The following DPP6 variants were observed in gnomAD, a reference collection of about 807,000 sequenced individuals.
The protein encoded by DPP6 is dipeptidyl peptidase like 6.
In DPP6, 69 loss-of-function variants were observed where a neutral mutation model predicts 122.6. The observed-to-expected ratio is 0.56, with a 90% CI of 0.46 to 0.69. The LOEUF is 0.69. DPP6 is among the 30% of genes least tolerant of loss of function. The pLI is 0.00. For synonymous variants in DPP6, 418 were observed against 433.1 expected, an observed-to-expected ratio of 0.97 and a Z score of 0.43; for missense variants, 928 against 1,116.9, an observed-to-expected ratio of 0.83 and a Z score of 2.41.
At chr7:154,379,589 C>A (rs1813419123) in intron 1 of DPP6, among the ~76,000 whole-genome samples, 2 of 152,104 alleles carry the variant, frequency 1.3e-5, no homozygotes. Flanking sequence ...CAGAAGAATG[C>A]TCCCTAATAA....
intron 1 of DPP6, among the ~76,000 whole-genome samples, chr7:154,308,923 T>C (rs1207380259): frequency 6.6e-6 from 1 of 152,224 alleles, no homozygotes; most frequent in Non-Finnish European, 1.5e-5. Flanking sequence ...CCTAGCATAT[T>C]GTGTGCATGT....
intron 1 of DPP6, among the ~76,000 whole-genome samples, chr7:153,932,007 A>G (rs576988918): frequency 6.6e-6 from 1 of 152,242 alleles, no homozygotes; most frequent in African/African-American, 2.4e-5. Flanking sequence ...TCAGAGCTGC[A>G]CAAGAACTCT....
intron 1 of DPP6, among the ~76,000 whole-genome samples, chr7:154,311,598 C>T (rs936472867): frequency 2.0e-5 from 3 of 152,098 alleles, no homozygotes; most frequent in African/African-American, 7.2e-5. Flanking sequence ...TCCTAAAGTC[C>T]TTCCTGACTT....
intron 1 of DPP6, among the ~76,000 whole-genome samples, chr7:154,171,837 C>T (rs941057406): frequency 1.1e-4 from 17 of 151,980 alleles, no homozygotes; most frequent in South Asian, 8.3e-4. Context: ...AACCACCATT[C>T]CATATGTATA....
At chr7:153,832,278 G>A in the DPP6 span, among the ~76,000 whole-genome samples, 9 of 152,170 alleles carry the variant, frequency 5.9e-5, no homozygotes, top group Non-Finnish European at 1.2e-4. Context: ...TTAAACGAAA[G>A]CAAGGACAAA....
intron 3 of DPP6, among the ~76,000 whole-genome samples, chr7:154,476,301 AAAAAC>A (rs1311060000): frequency 1.3e-5 from 2 of 152,236 alleles, no homozygotes; most frequent in Admixed American, 1.3e-4. Flanking sequence ...ACAGAAATTA[AAAAAC>A]AAAACAAAAC....
rs28690483 is a variant in DPP6, at chr7:154,387,455, G to C, written c.244-58759G>C. Among the ~76,000 whole-genome samples the C allele has an allele frequency of 5.3e-3, 813 of 152,328 alleles. 8 individuals are homozygous for C. Among genetic ancestry groups the C allele is most frequent in the African/African-American group, 0.018 (769 of 41,578 alleles). On this transcript the variant is annotated intron_variant, in intron 1 of 25. Coordinates refer to ENST00000377770, the MANE Select transcript of DPP6 (RefSeq NM_130797.4). Reference sequence around the variant, plus strand: ...GAGAATTCAGGAAGGCTTCCTGGAAGAGGAGACATCCAAGCCAAGGCTGAA... The same window carrying C: ...GAGAATTCAGGAAGGCTTCCTGGAACAGGAGACATCCAAGCCAAGGCTGAA...
intron 1 of DPP6, among the ~76,000 whole-genome samples, chr7:154,445,245 C>T (rs973779883): frequency 6.6e-6 from 1 of 152,180 alleles, no homozygotes; most frequent in Non-Finnish European, 1.5e-5. Flanking sequence ...ATTCTCCAGA[C>T]TATACATGGA....
intron 1 of DPP6, among the ~76,000 whole-genome samples, chr7:154,014,248 C>G (rs1400970649): frequency 6.8e-6 from 1 of 146,324 alleles, no homozygotes; most frequent in African/African-American, 2.6e-5. Context: ...ACTTCTCTCT[C>G]CAGTAAATGC....
chr7:154,498,123 T>C (rs1824913367), intron 3 of DPP6, among the ~76,000 whole-genome samples: 1 of 152,228 alleles, frequency 6.6e-6, no homozygotes, highest in South Asian at 2.1e-4. Context: ...GACATGGTGC[T>C]TACATGAGAT....
At chr7:154,322,411 A>G (rs990671458) in intron 1 of DPP6, among the ~76,000 whole-genome samples, 6 of 152,214 alleles carry the variant, frequency 3.9e-5, no homozygotes, top group Admixed American at 2.6e-4. Context: ...TGACAAGCAC[A>G]CTGGATGGGC....
intron 1 of DPP6, among the ~76,000 whole-genome samples, chr7:154,270,537 T>C (rs143239770): frequency 2.4e-4 from 37 of 152,260 alleles, no homozygotes; most frequent in African/African-American, 8.2e-4. Context: ...CCAGGTGCCA[T>C]GTCCCCCAGA....
intron 4 of DPP6, among the ~76,000 whole-genome samples, chr7:154,561,567 G>A (rs768244541): frequency 6.6e-6 from 1 of 152,052 alleles, no homozygotes; most frequent in Non-Finnish European, 1.5e-5. Flanking sequence ...AAAATTTACG[G>A]TATGCAACAA....
chr7:154,703,186 C>T (rs534530034), intron 7 of DPP6, among the ~76,000 whole-genome samples: 5 of 152,282 alleles, frequency 3.3e-5, no homozygotes, highest in African/African-American at 7.2e-5. Context: ...CTGTTCAATC[C>T]CAGTATGCCT....
intron 1 of DPP6, among the ~76,000 whole-genome samples, chr7:153,973,166 C>T (rs754338115): frequency 1.3e-5 from 2 of 151,930 alleles, no homozygotes; most frequent in South Asian, 2.1e-4. Context: ...TACAATAAAA[C>T]GGATATGGTT....
chr7:153,850,806 A>G, the DPP6 span, among the ~76,000 whole-genome samples: 2 of 152,150 alleles, frequency 1.3e-5, no homozygotes, highest in African/African-American at 4.8e-5. Flanking sequence ...AACTGCCTCC[A>G]TGATTTGGTT....
At chr7:153,808,853 A>T in the DPP6 span, among the ~76,000 whole-genome samples, 3 of 152,000 alleles carry the variant, frequency 2.0e-5, no homozygotes, top group Non-Finnish European at 2.9e-5. Flanking sequence ...TGAGCATGGG[A>T]GTGCAGTTAT....
chr7:154,001,119 G>A (rs1354111593), intron 1 of DPP6, among the ~76,000 whole-genome samples: 1 of 151,926 alleles, frequency 6.6e-6, no homozygotes, highest in Admixed American at 6.6e-5. Flanking sequence ...CAGCCCAGCA[G>A]TGAGGCACAG....
intron 1 of DPP6, among the ~76,000 whole-genome samples, chr7:154,249,591 G>C (rs1244902947): frequency 6.6e-6 from 1 of 152,114 alleles, no homozygotes; most frequent in African/African-American, 2.4e-5. Context: ...CAGGGATTTT[G>C]TTTTGTGCTT....
Sources: gnomAD v4.1 joint callset for allele counts (sites outside exome capture counted in the v4.1 genomes callset) on GRCh38, gnomAD v4.1.1 for gene constraint, MANE v1.5 for transcripts, NCBI Gene and HGNC (gene_info 2026-07-23, HGNC 2026-07-21) for gene names.